Variants in EHD4 observed in about 807,000 individuals in gnomAD.
EHD4 encodes the protein EH domain containing 4.
Under a neutral mutation model 51.0 loss-of-function variants are expected in EHD4, and 37 were observed. The ratio of observed to expected loss-of-function variants is 0.73; its 90% CI spans 0.56 to 0.95. The LOEUF (loss-of-function observed/expected upper bound fraction) is 0.95, where lower values mean the gene tolerates loss of function less well. Ranked by LOEUF, EHD4 falls within the 40% of genes least tolerant of loss-of-function variation. EHD4 has a pLI of 0.00. For missense variants in EHD4, 632 were observed against 733.1 expected, an observed-to-expected ratio of 0.86 and a Z score of 1.59; for synonymous variants, 297 against 317.3, an observed-to-expected ratio of 0.94 and a Z score of 0.68.
At chr15:41,941,176 A>G (rs1360310088) in intron 3 of EHD4, among the ~76,000 whole-genome samples, 2 of 152,252 alleles carry the variant, frequency 1.3e-5, no homozygotes, top group African/African-American at 4.8e-5. Flanking sequence ...GACCATCCAC[A>G]GCACTATTTG....
intron 5 of EHD4, among the ~76,000 whole-genome samples, chr15:41,907,596 T>C (rs1464773700): frequency 6.6e-6 from 1 of 152,150 alleles, no homozygotes; most frequent in Non-Finnish European, 1.5e-5. Context: ...CTTGGCTCAC[T>C]GCAACCTTCA....
intron 1 of EHD4, among the ~76,000 whole-genome samples, chr15:41,969,364 T>C (rs2067981839): frequency 6.6e-6 from 1 of 152,116 alleles, no homozygotes. Context: ...CTGACCAACA[T>C]GGAAAAACCC....
intron 2 of EHD4, among the ~76,000 whole-genome samples, chr15:41,948,641 T>C (rs1378199600): frequency 6.6e-6 from 1 of 152,230 alleles, no homozygotes; most frequent in Non-Finnish European, 1.5e-5. Context: ...TGCAGCTAAA[T>C]TGGCTGGGGG....
Position 41,972,146 on chromosome 15 carries a change from G to T in EHD4, c.236+113C>A, listed in dbSNP as rs1380581696. On this transcript the variant is annotated intron_variant, in intron 1 of 5. Transcript: ENST00000220325. ...GCACCGGGCGCCGAGCTCCGGGAGGGGTCCCCGAGGTCGCGCCGGCCGGGA... is the reference window on the plus strand; with the variant it reads ...GCACCGGGCGCCGAGCTCCGGGAGGTGTCCCCGAGGTCGCGCCGGCCGGGA... The T allele has an allele frequency of 3.0e-5, 34 of 1,121,450 alleles. No individual in the cohort carries two copies. In the South Asian group the frequency reaches 1.2e-3, roughly 39 times the overall value. The allele number at this position is 1,121,450 out of a possible 1,614,324, so 69.5% of individuals were successfully genotyped here.
At chr15:41,942,007 C>T (rs185173828) in intron 3 of EHD4, 1 of 152,422 alleles carries the variant, frequency 6.6e-6, no homozygotes, top group Non-Finnish European at 1.5e-5. Context: ...GAAGAGTTCT[C>T]AGCCAGAAGT....
intron 3 of EHD4, 49 bp downstream of exon 3, chr15:41,943,018 G>T: frequency 6.9e-7 from 1 of 1,441,094 alleles, no homozygotes. Context: ...TCACAGCAGA[G>T]AGGGCCTCAG....
At chr15:41,907,267 C>A (rs1430913550) in intron 5 of EHD4, among the ~76,000 whole-genome samples, 1 of 152,226 alleles carries the variant, frequency 6.6e-6, no homozygotes, top group East Asian at 1.9e-4. Context: ...TTATAACTTT[C>A]ATTTAGGTCA....
chr15:41,939,930 C>T (rs1319250744), intron 3 of EHD4, among the ~76,000 whole-genome samples: 2 of 151,684 alleles, frequency 1.3e-5, no homozygotes, highest in Non-Finnish European at 2.9e-5. Flanking sequence ...TTCATTTATA[C>T]GGCTCCTAAA....
intron 1 of EHD4, among the ~76,000 whole-genome samples, chr15:41,962,070 AT>A (rs2067927680): frequency 6.6e-6 from 1 of 152,236 alleles, no homozygotes; most frequent in African/African-American, 2.4e-5. Context: ...TACCTAATAC[AT>A]TAATAAGAGC....
chr15:41,949,692 A>G (rs375007214), intron 2 of EHD4, among the ~76,000 whole-genome samples: 1 of 152,196 alleles, frequency 6.6e-6, no homozygotes, highest in Non-Finnish European at 1.5e-5. Context: ...AGTACATGAG[A>G]TTAAGAATTT....
At chr15:41,922,118 G>A (rs1348783619) in intron 3 of EHD4, among the ~76,000 whole-genome samples, 1 of 152,216 alleles carries the variant, frequency 6.6e-6, no homozygotes, top group Non-Finnish European at 1.5e-5. Flanking sequence ...GCTGGGCACG[G>A]TGGCTAATGC....
rs754537007 is a variant in EHD4, at chr15:41,909,790, T to C, written c.998A>G (p.Glu333Gly). The C allele has an allele frequency of 4.3e-6, 7 of 1,614,180 alleles. No individual in the cohort carries two copies. The highest frequency in any genetic ancestry group is 5.9e-6 in the Non-Finnish European group (7 of 1,180,042). ...GATTTCCGGTAGCCTGCTGATAAGC[T>C]CTCTCTTCTTGTTTTCCTTTCCAAA... is the stretch of plus-strand genomic sequence containing the variant. ...SVFGKENKKR[E>G]LISRLPEIYI... The change falls in exon 5 of 6, where the codon GAG becomes GGG. Residue 333 changes from glutamate to glycine, a missense_variant. Coordinates refer to ENST00000220325, the MANE Select transcript of EHD4 (RefSeq NM_139265.4).
chr15:41,939,026 A>T (rs2067749391), intron 3 of EHD4, among the ~76,000 whole-genome samples: 1 of 152,222 alleles, frequency 6.6e-6, no homozygotes. Flanking sequence ...TAAGAGGTCG[A>T]GTGGGAAGGA....
chr15:41,913,220 A>T (rs2067561387), intron 4 of EHD4, among the ~76,000 whole-genome samples: 1 of 152,186 alleles, frequency 6.6e-6, no homozygotes, highest in Non-Finnish European at 1.5e-5. Context: ...AACAGACGGG[A>T]CAGCTTGAAT....
chr15:41,964,146 A>T (rs1299341585), intron 1 of EHD4, among the ~76,000 whole-genome samples: 3 of 130,788 alleles, frequency 2.3e-5, no homozygotes, highest in African/African-American at 1.2e-4. Context: ...CTCCATCTCA[A>T]AAAAAAAAAA....
chr15:41,959,110 G>A (rs938180846), intron 1 of EHD4, among the ~76,000 whole-genome samples: 1 of 152,154 alleles, frequency 6.6e-6, no homozygotes, highest in African/African-American at 2.4e-5. Flanking sequence ...TGGTTTGTGT[G>A]GGCTGGGCGT....
intron 1 of EHD4, among the ~76,000 whole-genome samples, chr15:41,956,361 G>A (rs947881523): frequency 5.9e-5 from 9 of 152,164 alleles, no homozygotes; most frequent in South Asian, 2.1e-4. Flanking sequence ...GTGAGCATAC[G>A]GATATCGTAG....
intron 3 of EHD4, among the ~76,000 whole-genome samples, chr15:41,922,538 C>CGCCAACCCTGCCGTGCTTGT (rs1203645186): frequency 2.7e-4 from 41 of 152,340 alleles, no homozygotes; most frequent in Admixed American, 1.2e-3. Context: ...GCTGCGCTCG[C>CGCCAACCCTGCCGTGCTTGT]GCCAACCCTG....
intron 5 of EHD4, among the ~76,000 whole-genome samples, chr15:41,907,118 G>C (rs1440420057): frequency 6.6e-6 from 1 of 152,182 alleles, no homozygotes; most frequent in Non-Finnish European, 1.5e-5. Context: ...ACCAGCAGGA[G>C]AGGCCTGGCA....
Sources: gnomAD v4.1 joint callset for allele counts (sites outside exome capture counted in the v4.1 genomes callset) on GRCh38, gnomAD v4.1.1 for gene constraint, MANE v1.5 for transcripts, NCBI Gene and HGNC (gene_info 2026-07-23, HGNC 2026-07-21) for gene names.